Variants in SORCS2 observed in about 807,000 individuals in gnomAD.
SORCS2 encodes the protein sortilin related VPS10 domain containing receptor 2.
A neutral mutation model predicts 141.6 loss-of-function variants in SORCS2; 100 were observed. That is an observed-to-expected ratio of 0.71 (90% CI 0.60 to 0.83). The LOEUF is 0.83. SORCS2 is among the 40% of genes least tolerant of loss of function. SORCS2 has a pLI of 0.00. For synonymous variants in SORCS2, 789 were observed against 676.9 expected, an observed-to-expected ratio of 1.17 and a Z score of -2.57; for missense variants, 1,646 against 1,560.2, an observed-to-expected ratio of 1.05 and a Z score of -0.93.
chr4:7,714,174 G>C, intron 15 of SORCS2, 66 bp from the exon 16 acceptor site: 2 of 1,545,270 alleles, frequency 1.3e-6, no homozygotes, highest in South Asian at 2.4e-5. Flanking sequence ...AGCCTCAGCG[G>C]CACAAGGCCT....
At chr4:7,583,630 A>T (rs1560404425) in intron 3 of SORCS2, among the ~76,000 whole-genome samples, 1 of 152,166 alleles carries the variant, frequency 6.6e-6, no homozygotes, top group Non-Finnish European at 1.5e-5. Flanking sequence ...TGGTTTTATG[A>T]GTGGAAACCC....
At chr4:7,632,187 C>T (rs1431983892) in intron 3 of SORCS2, among the ~76,000 whole-genome samples, 2 of 152,208 alleles carry the variant, frequency 1.3e-5, no homozygotes, top group South Asian at 2.1e-4. Context: ...GTAAACTGTG[C>T]ACCCGTTTCT....
chr4:7,548,560 G>A (rs913855152), intron 3 of SORCS2, among the ~76,000 whole-genome samples: 1 of 152,206 alleles, frequency 6.6e-6, no homozygotes, highest in African/African-American at 2.4e-5. Context: ...CCCAGCACAG[G>A]GAAGTGGCTC....
intron 1 of SORCS2, among the ~76,000 whole-genome samples, chr4:7,265,744 A>T (rs550150697): frequency 6.6e-6 from 1 of 152,286 alleles, no homozygotes; most frequent in Non-Finnish European, 1.5e-5. Context: ...CTTTAATCAC[A>T]TCTGCAAAGA....
intron 2 of SORCS2, among the ~76,000 whole-genome samples, chr4:7,476,887 C>T (rs1218580967): frequency 6.6e-6 from 1 of 152,224 alleles, no homozygotes; most frequent in Non-Finnish European, 1.5e-5. Context: ...CTTAGACAGC[C>T]AGGTTCAAAT....
intron 1 of SORCS2, among the ~76,000 whole-genome samples, chr4:7,378,260 A>C (rs762187004): frequency 2.0e-5 from 3 of 152,206 alleles, no homozygotes; most frequent in Non-Finnish European, 4.4e-5. Flanking sequence ...CTTCAGGCTA[A>C]TGTGTATCAT....
At chr4:7,638,912 C>T (rs1040922004) in intron 4 of SORCS2, among the ~76,000 whole-genome samples, 5 of 152,232 alleles carry the variant, frequency 3.3e-5, no homozygotes, top group Admixed American at 2.0e-4. Flanking sequence ...CTTCTCCCCT[C>T]GCCAAGAGCG....
rs191529504 is a variant in SORCS2 at position 7,375,742 on chromosome 4, A to G, written c.481-20546A>G. On this transcript the variant is annotated intron_variant, in intron 1 of 26. Transcript: ENST00000507866. ...GCAATACACATCCACCCCAAAGCCTATTAGAAGTGACTGTGAGGATTATTG... is the reference window on the plus strand; with the variant it reads ...GCAATACACATCCACCCCAAAGCCTGTTAGAAGTGACTGTGAGGATTATTG... 6.4e-4 allele frequency among the ~76,000 whole-genome samples: 97 copies of G among 152,374 alleles called. 1 individual carries two copies. In the South Asian group the frequency reaches 0.013, roughly 21 times the overall value.
At chr4:7,335,084 G>A (rs1209175262) in intron 1 of SORCS2, among the ~76,000 whole-genome samples, 2 of 152,144 alleles carry the variant, frequency 1.3e-5, no homozygotes, top group Non-Finnish European at 2.9e-5. Context: ...GGGCATCTGT[G>A]TCCCTTCAGC....
intron 3 of SORCS2, among the ~76,000 whole-genome samples, chr4:7,597,769 G>C (rs1002626615): frequency 6.6e-6 from 1 of 152,016 alleles, no homozygotes; most frequent in African/African-American, 2.4e-5. Context: ...ATTCGACATT[G>C]AGATCTATAA....
intron 2 of SORCS2, among the ~76,000 whole-genome samples, chr4:7,472,179 G>A (rs907749320): frequency 1.6e-4 from 24 of 151,700 alleles, no homozygotes; most frequent in African/African-American, 5.8e-4. Flanking sequence ...CAGGCACAGA[G>A]GGGCCTCAGA....
chr4:7,354,999 A>G lies in SORCS2; in HGVS notation c.481-41289A>G, dbSNP rs151301082. ...TTGTTTCCAAACAGTATCAAGTGAT[A>G]GAAAAGCACATACATACACAGAAAA... On this transcript the variant is annotated intron_variant, in intron 1 of 26. Transcript: ENST00000507866. Among the ~76,000 whole-genome samples the G allele has an allele frequency of 5.3e-5, 8 of 151,740 alleles. No individual in the cohort carries two copies. In the East Asian group the frequency reaches 1.6e-3, roughly 30 times the overall value.
chr4:7,520,938 G>A (rs1255513806), intron 2 of SORCS2, among the ~76,000 whole-genome samples: 3 of 152,238 alleles, frequency 2.0e-5, no homozygotes, highest in Admixed American at 2.0e-4. Context: ...ACCCCTCTGG[G>A]GCATTGGTGC....
chr4:7,440,645 G>A (rs934988720), intron 2 of SORCS2, among the ~76,000 whole-genome samples: 2 of 152,194 alleles, frequency 1.3e-5, no homozygotes, highest in East Asian at 1.9e-4. Flanking sequence ...CATCTTACCT[G>A]TCTCCCATCC....
intron 1 of SORCS2, among the ~76,000 whole-genome samples, chr4:7,371,481 C>T (rs73796660): frequency 1.2e-4 from 19 of 152,258 alleles, no homozygotes; most frequent in Middle Eastern, 3.4e-3. Flanking sequence ...TTCCACATTT[C>T]GTTGTGTTGG....
At chr4:7,729,486 T>G in intron 22 of SORCS2, 101 bp from the exon 23 acceptor site, 1 of 1,421,190 alleles carries the variant, frequency 7.0e-7, no homozygotes, top group South Asian at 1.4e-5. Flanking sequence ...GTGAGACAGG[T>G]GTACAGGCCA....
At chr4:7,724,934 A>ATG (rs1727084607) in intron 19 of SORCS2, among the ~76,000 whole-genome samples, 2 of 88,148 alleles carry the variant, frequency 2.3e-5, no homozygotes, top group Admixed American at 1.2e-4. Flanking sequence ...TGGTGGTAGT[A>ATG]GTGGTGATGG....
chr4:7,622,380 T>G (rs142732630), intron 3 of SORCS2, among the ~76,000 whole-genome samples: 1 of 152,336 alleles, frequency 6.6e-6, no homozygotes, highest in African/African-American at 2.4e-5. Flanking sequence ...GAGCTTGTTA[T>G]AAAGAAAACA....
At position 7,663,027 on chromosome 4, in the gene SORCS2, T is replaced by C. The variant is rs1722274478; in HGVS notation, c.953-1326T>C. ...GTGGATGAGTGAGTGGGTGAATGAG[T>C]GAATAGGTGTGTGAGTGAAGGAATG... On this transcript the variant is annotated intron_variant, in intron 6 of 26. Transcript: ENST00000507866. The surrounding 1 kb of genome is among the most constrained non-coding windows in gnomAD (Gnocchi z 4.8). Among the ~76,000 whole-genome samples, 1 of 150,052 alleles carries C rather than the reference T, an allele frequency of 6.7e-6. No individual in the cohort carries two copies. The highest frequency in any genetic ancestry group is 1.5e-5 in the Non-Finnish European group (1 of 67,638).
Sources: allele counts gnomAD v4.1 joint callset (sites outside exome capture counted in the v4.1 genomes callset), GRCh38; gene constraint gnomAD v4.1.1; non-coding constraint Gnocchi (gnomAD v3.1); transcripts MANE v1.5; gene names NCBI Gene and HGNC (gene_info 2026-07-23, HGNC 2026-07-21).